Variants in NOX5 observed in about 807,000 individuals in gnomAD.
NOX5 encodes NADPH oxidase 5.
A neutral mutation model predicts 85.7 loss-of-function variants in NOX5; 76 were observed. That is an observed-to-expected ratio of 0.89 (90% CI 0.74 to 1.07). NOX5 has a LOEUF of 1.07. Among genes scored for constraint, NOX5 ranks in the 50% least tolerant of loss-of-function variants. NOX5 has a pLI of 0.00. For synonymous variants in NOX5, 405 were observed against 401.4 expected (o/e 1.01, Z -0.11); for missense variants, 973 against 999.5 (o/e 0.97, Z 0.36).
chr15:69,059,949 C>T lies in NOX5; in HGVS notation c.*3253C>T, dbSNP rs1164829469. ...CCAGACATGGGGACCCAAAGCCTAGCACAGAGTGTAGACCAGATGTCGGTT... is the reference window on the plus strand; with the variant it reads ...CCAGACATGGGGACCCAAAGCCTAGTACAGAGTGTAGACCAGATGTCGGTT... On this transcript the variant is annotated 3_prime_UTR_variant, in exon 16 of 16. Coordinates refer to ENST00000388866, the MANE Select transcript of NOX5 (RefSeq NM_024505.4). 1.3e-5 allele frequency: 2 copies of T among 152,268 alleles called. No individual in the cohort carries two copies. The highest frequency in any genetic ancestry group is 4.8e-5 in the African/African-American group (2 of 41,464). 9.4% of individuals were successfully genotyped at this position (152,268 alleles called of 1,614,324 possible).
At chr15:69,027,559 T>G (rs1221063148) in intron 2 of NOX5, among the ~76,000 whole-genome samples, 3 of 152,048 alleles carry the variant, frequency 2.0e-5, no homozygotes, top group Non-Finnish European at 4.4e-5. Flanking sequence ...GAGGGGAGCA[T>G]CCCAGGACAC....
At chr15:69,056,514 A>T in intron 15 of NOX5, 51 bp from the exon 16 acceptor site, 7 of 1,598,402 alleles carry the variant, frequency 4.4e-6, no homozygotes, top group Non-Finnish European at 6.0e-6. Context: ...CTGGTGAGTC[A>T]GCAGCTCCAC....
intron 5 of NOX5, among the ~76,000 whole-genome samples, 156 bp downstream of exon 5, chr15:69,033,433 G>A (rs1368625998): frequency 2.0e-5 from 3 of 152,184 alleles, no homozygotes; most frequent in Admixed American, 6.5e-5. Context: ...GGAGGACGCC[G>A]CCCAGAGAGG....
chr15:69,016,272 C>G (rs777807960), intron 1 of NOX5, among the ~76,000 whole-genome samples: 2 of 152,198 alleles, frequency 1.3e-5, no homozygotes, highest in Non-Finnish European at 1.5e-5. Context: ...GCCCTTGACA[C>G]TCCCAGCTAC....
intron 13 of NOX5, 36 bp from the exon 14 acceptor site, chr15:69,048,923 G>A: frequency 6.5e-7 from 1 of 1,527,322 alleles, no homozygotes. Flanking sequence ...AAATCAGGGA[G>A]ACCCAGCCTC....
In NOX5 at chr15:69,059,489, G is replaced by A. The variant is rs311908; in HGVS notation, c.*2793G>A. Reference sequence around the variant, plus strand: ...TTCTCACTGCCGCTGCCTTCCCCCAGAAACTCTACCCTCCCCATACCCAGT... The same window carrying A: ...TTCTCACTGCCGCTGCCTTCCCCCAAAAACTCTACCCTCCCCATACCCAGT... On this transcript the variant is annotated 3_prime_UTR_variant, in exon 16 of 16. Coordinates refer to ENST00000388866, the MANE Select transcript of NOX5 (RefSeq NM_024505.4). 148,395 of 152,222 alleles carry A rather than the reference G, an allele frequency of 0.97. 72,452 individuals are homozygous for A. Among genetic ancestry groups the A allele is most frequent in the East Asian group, 1 (5,166 of 5,166 alleles). The allele number at this position is 152,222 out of a possible 1,614,324, so 9.4% of individuals were successfully genotyped here.
In NOX5 at chr15:69,031,657, C is replaced by T. The variant is rs1372452187; in HGVS notation, c.465C>T (p.Arg155=). 1 of 1,613,338 alleles carries T rather than the reference C, an allele frequency of 6.2e-7. No individual in the cohort carries two copies. The highest frequency in any genetic ancestry group is 8.5e-7 in the Non-Finnish European group (1 of 1,179,948). Residue 155 remains arginine, a synonymous_variant, in exon 4 of 16, where the codon CGC becomes CGT. Coordinates refer to ENST00000388866, the MANE Select transcript of NOX5 (RefSeq NM_024505.4). The part of the protein sequence containing the change: ...ELRTVLQSCL[R]ESAISLPDEK... Reference sequence around the variant, plus strand: ...GCACTGTGCTGCAGTCGTGTCTGCGCGAGAGCGCCATCTCGCTGCCTGACG... The same window carrying T: ...GCACTGTGCTGCAGTCGTGTCTGCGTGAGAGCGCCATCTCGCTGCCTGACG...
intron 1 of NOX5, among the ~76,000 whole-genome samples, chr15:69,021,786 AT>A (rs1253087987): frequency 1.3e-5 from 2 of 152,006 alleles, no homozygotes; most frequent in African/African-American, 2.4e-5. Context: ...ATTAATGTAT[AT>A]TTGGGGGTTT....
intron 3 of NOX5, chr15:69,030,297 A>G (rs2050412333): frequency 6.6e-6 from 1 of 152,242 alleles, no homozygotes; most frequent in Non-Finnish European, 1.5e-5. Flanking sequence ...GGGAGCCATC[A>G]AAGTGTGTTG....
At chr15:69,050,450 G>A (rs947770780) in intron 14 of NOX5, among the ~76,000 whole-genome samples, 1 of 152,104 alleles carries the variant, frequency 6.6e-6, no homozygotes, top group African/African-American at 2.4e-5. Context: ...TGTCACCCAG[G>A]TGCAATCTCG....
chr15:69,055,497 C>G lies in NOX5; in HGVS notation c.2163C>G (p.Ser721Arg). ...CCCAGCCTGGGCGGCCTGACTGGAG[C>G]AAGGTAATGCCAACTGGAGCCCTGC... ...TRTQPGRPDWSKVFQKVAAEK... is the reference protein window; with the variant it reads ...TRTQPGRPDWRKVFQKVAAEK... The change falls in exon 15 of 16, where the codon AGC (serine) becomes AGG (arginine). Residue 721 changes from serine to arginine, a missense_variant. Transcript: ENST00000388866. The G allele has an allele frequency of 6.2e-7, 1 of 1,613,488 alleles. No individual in the cohort carries two copies. The highest frequency in any genetic ancestry group is 8.5e-7 in the Non-Finnish European group (1 of 1,179,766).
chr15:69,018,125 C>T lies in NOX5; in HGVS notation c.50+3340C>T, dbSNP rs2050252999. On this transcript the variant is annotated intron_variant, in intron 1 of 15. Coordinates refer to ENST00000388866, the MANE Select transcript of NOX5 (RefSeq NM_024505.4). ...GGACCGGACCGCACTCATGGAGCCC[C>T]AGAGGCGCCGGTTGCTCAGGCATCC... Among the ~76,000 whole-genome samples the T allele has an allele frequency of 2.0e-5, 3 of 151,984 alleles. No homozygotes were observed. In the South Asian group the frequency reaches 6.2e-4, roughly 32 times the overall value.
chr15:69,039,054 AG>A, intron 9 of NOX5, 65 bp downstream of exon 9: 1 of 1,573,526 alleles, frequency 6.4e-7, no homozygotes, highest in Non-Finnish European at 8.7e-7. Flanking sequence ...GGCCAAGTAC[AG>A]GCTGGAAACT....
In NOX5 at chr15:69,031,440, T is replaced by C. The variant is rs902871938; in HGVS notation, c.326-78T>C. 4.1e-6 allele frequency: 6 copies of C among 1,468,936 alleles called. No individual in the cohort carries two copies. The African/African-American group carries it at 5.6e-5, about 14-fold the overall frequency. The allele number at this position is 1,468,936 out of a possible 1,614,324, so 91.0% of individuals were successfully genotyped here. On this transcript the variant is annotated intron_variant, in intron 3 of 15. Coordinates refer to ENST00000388866, the MANE Select transcript of NOX5 (RefSeq NM_024505.4). ...GGTGACATTTGGTCCTTCAGTTGCA[T>C]GGTCTATACCCCCAAGGAAAGCTGA...
chr15:69,031,315 G>C (rs1270204718), intron 3 of NOX5: 3 of 591,504 alleles, frequency 5.1e-6, no homozygotes, highest in Non-Finnish European at 5.9e-6. Flanking sequence ...ACCGATTCTG[G>C]AGACAGGCAA....
intron 11 of NOX5, 191 bp from the exon 12 acceptor site, chr15:69,047,222 C>T (rs1433082388): frequency 4.3e-6 from 3 of 693,784 alleles, no homozygotes; most frequent in East Asian, 2.9e-5. Context: ...CTAGAGCTCT[C>T]CCCAGACTGG....
chr15:69,055,421 T>G lies in NOX5; in HGVS notation c.2087T>G (p.Leu696Arg). Residue 696 changes from leucine to arginine, a missense_variant, in exon 15 of 16, where the codon CTC (leucine) becomes CGC (arginine). By Grantham distance (102) the Leu-to-Arg change is moderately radical (BLOSUM62 -2). Transcript: ENST00000388866. ...KAIGLQMALD[L>R]LANKEKKDSI... ...ATTGGCCTGCAGATGGCCCTTGACC[T>G]CCTGGCCAACAAGGAGAAGAAAGAC... The G allele has an allele frequency of 6.2e-7, 1 of 1,614,192 alleles. No homozygotes were observed. Among genetic ancestry groups the G allele is most frequent in the Non-Finnish European group, 8.5e-7 (1 of 1,180,040 alleles).
chr15:69,018,341 T>G lies in NOX5; in HGVS notation c.50+3556T>G, dbSNP rs185599670. On this transcript the variant is annotated intron_variant, in intron 1 of 15. Transcript: ENST00000388866. ...CCAGCAACAGACTCTTTAAGTCTGATAAGAAACATTTACACTCTGTTGTCT... is the reference window on the plus strand; with the variant it reads ...CCAGCAACAGACTCTTTAAGTCTGAGAAGAAACATTTACACTCTGTTGTCT... Among the ~76,000 whole-genome samples, 48 of 152,326 alleles carry G rather than the reference T, an allele frequency of 3.2e-4. 2 individuals are homozygous for G. Among genetic ancestry groups the G allele is most frequent in the African/African-American group, 1.1e-3 (47 of 41,586 alleles).
intron 3 of NOX5, chr15:69,028,810 G>A (rs888231335): frequency 1.3e-5 from 2 of 149,712 alleles, no homozygotes; most frequent in African/African-American, 4.9e-5. Context: ...CTTCTAACTG[G>A]TTGCACATAC....
Sources: gnomAD v4.1 joint callset for allele counts (sites outside exome capture counted in the v4.1 genomes callset) on GRCh38, gnomAD v4.1.1 for gene constraint, MANE v1.5 for transcripts, NCBI Gene and HGNC (gene_info 2026-07-23, HGNC 2026-07-21) for gene names.